PDSS2: variants seen among roughly 807,000 people sequenced by gnomAD.
PDSS2 encodes the protein decaprenyl diphosphate synthase subunit 2.
PDSS2 carries 31 observed loss-of-function variants against 44.5 expected under a neutral mutation model. That is an observed-to-expected ratio of 0.70 (90% CI 0.52 to 0.94). The LOEUF is 0.94. PDSS2 is among the 40% of genes least tolerant of loss of function. The pLI, the probability that PDSS2 is intolerant of heterozygous loss-of-function variation, is 0.00. For missense variants in PDSS2, 452 were observed against 482.2 expected (o/e 0.94, Z 0.59); for synonymous variants, 157 against 180.3 (o/e 0.87, Z 1.03).
At chr6:107,426,924 T>C (rs1213759934) in intron 1 of PDSS2, among the ~76,000 whole-genome samples, 2 of 152,138 alleles carry the variant, frequency 1.3e-5, no homozygotes, top group South Asian at 2.1e-4. Flanking sequence ...TGACTTAAGA[T>C]GAGTTACTGG....
intron 1 of PDSS2, among the ~76,000 whole-genome samples, chr6:107,357,101 G>A (rs1004234123): frequency 6.6e-6 from 1 of 152,102 alleles, no homozygotes; most frequent in African/African-American, 2.4e-5. Flanking sequence ...GACAGAAAAC[G>A]AGGAAACAAC....
At position 107,157,265 on chromosome 6, in the gene PDSS2, A is replaced by C. The variant is rs560853964; in HGVS notation, c.1042-2488T>G. Reference sequence around the variant, plus strand: ...AGTGGTGTGATCTTGGCTCACTGCAACTTCCAGTTCCCCGGCTCAAGTGAT... The same window carrying C: ...AGTGGTGTGATCTTGGCTCACTGCACCTTCCAGTTCCCCGGCTCAAGTGAT... On this transcript the variant is annotated intron_variant, in intron 7 of 7. Transcript: ENST00000369037. Among the ~76,000 whole-genome samples, 4 of 151,770 alleles carry C rather than the reference A, an allele frequency of 2.6e-5. No homozygotes were observed. In the East Asian group the frequency reaches 7.8e-4, roughly 30 times the overall value.
At chr6:107,301,115 G>C (rs912510430) in intron 2 of PDSS2, among the ~76,000 whole-genome samples, 2 of 152,190 alleles carry the variant, frequency 1.3e-5, no homozygotes, top group Non-Finnish European at 2.9e-5. Context: ...GATGAAATTT[G>C]AAAGAATGTA....
At chr6:107,220,743 C>T (rs1298329552) in intron 4 of PDSS2, among the ~76,000 whole-genome samples, 2 of 152,102 alleles carry the variant, frequency 1.3e-5, no homozygotes, top group Non-Finnish European at 2.9e-5. Flanking sequence ...TTATAGTCCC[C>T]TGAAATCTAC....
chr6:107,321,067 C>A (rs1777366568), intron 2 of PDSS2, among the ~76,000 whole-genome samples: 1 of 152,104 alleles, frequency 6.6e-6, no homozygotes, highest in South Asian at 2.1e-4. Flanking sequence ...AATAAATGCA[C>A]TAATATATAT....
At chr6:107,217,053 C>T (rs1021973013) in intron 4 of PDSS2, among the ~76,000 whole-genome samples, 1 of 152,088 alleles carries the variant, frequency 6.6e-6, no homozygotes, top group African/African-American at 2.4e-5. Flanking sequence ...GTACTATTTA[C>T]CAGGATAAAC....
chr6:107,454,776 A>G (rs1046843425), intron 1 of PDSS2, among the ~76,000 whole-genome samples: 1 of 151,996 alleles, frequency 6.6e-6, no homozygotes, highest in Admixed American at 6.6e-5. Flanking sequence ...ACAGAGCAAG[A>G]CTCTGCCTCA....
intron 2 of PDSS2, among the ~76,000 whole-genome samples, chr6:107,280,829 C>G (rs1775938971): frequency 6.6e-6 from 1 of 152,154 alleles, no homozygotes; most frequent in Non-Finnish European, 1.5e-5. Context: ...GACAACGGAG[C>G]CTGCTTTCTC....
chr6:107,381,690 T>C (rs913763919), intron 1 of PDSS2, among the ~76,000 whole-genome samples: 3 of 152,206 alleles, frequency 2.0e-5, no homozygotes, highest in African/African-American at 4.8e-5. Context: ...GCAGCTGAAC[T>C]TTTTGACTTC....
At chr6:107,181,637 C>T (rs1771986850) in intron 7 of PDSS2, among the ~76,000 whole-genome samples, 1 of 151,158 alleles carries the variant, frequency 6.6e-6, no homozygotes, top group Non-Finnish European at 1.5e-5. Flanking sequence ...CACCTGTAAT[C>T]CCAGCACTTT....
intron 4 of PDSS2, among the ~76,000 whole-genome samples, chr6:107,215,748 G>C (rs1239772830): frequency 6.6e-6 from 1 of 152,108 alleles, no homozygotes; most frequent in East Asian, 1.9e-4. Flanking sequence ...ATAATAAATT[G>C]TATTAACTAT....
intron 2 of PDSS2, among the ~76,000 whole-genome samples, chr6:107,290,987 A>G (rs1339042351): frequency 1.3e-5 from 2 of 150,556 alleles, no homozygotes; most frequent in African/African-American, 4.9e-5. Context: ...ACATGCTTCA[A>G]TAATATCAAG....
intron 2 of PDSS2, among the ~76,000 whole-genome samples, chr6:107,317,377 G>C (rs1267403224): frequency 6.6e-6 from 1 of 152,180 alleles, no homozygotes; most frequent in Admixed American, 6.5e-5. Context: ...GATAAACTGA[G>C]AGGGCACAAA....
chr6:107,207,975 C>CTTT (rs1271573467), intron 6 of PDSS2, among the ~76,000 whole-genome samples: 14 of 68,218 alleles, frequency 2.1e-4, no homozygotes, highest in African/African-American at 6.2e-4. Context: ...CTGTCTATGA[C>CTTT]TTGTTTTTTT....
chr6:107,301,550 T>C (rs907503696), intron 2 of PDSS2, among the ~76,000 whole-genome samples: 2 of 152,250 alleles, frequency 1.3e-5, no homozygotes, highest in Non-Finnish European at 2.9e-5. Flanking sequence ...GGGTATCTTA[T>C]CACAGACTGT....
chr6:107,283,349 A>C (rs915783426), intron 2 of PDSS2, among the ~76,000 whole-genome samples: 1 of 150,842 alleles, frequency 6.6e-6, no homozygotes, highest in Non-Finnish European at 1.5e-5. Flanking sequence ...AGAAAAAAAG[A>C]AAAAAACCCA....
At chr6:107,286,748 A>C (rs1000289768) in intron 2 of PDSS2, among the ~76,000 whole-genome samples, 1 of 151,938 alleles carries the variant, frequency 6.6e-6, no homozygotes, top group Non-Finnish European at 1.5e-5. Context: ...CCTCACTAAT[A>C]ATTTAGAAAA....
intron 1 of PDSS2, among the ~76,000 whole-genome samples, chr6:107,421,904 A>C (rs1475020792): frequency 6.6e-6 from 1 of 151,856 alleles, no homozygotes; most frequent in East Asian, 1.9e-4. Context: ...TACTGTACCA[A>C]TGCCAATTTC....
intron 1 of PDSS2, among the ~76,000 whole-genome samples, chr6:107,343,138 A>T (rs1220140040): frequency 1.3e-5 from 2 of 152,172 alleles, no homozygotes; most frequent in African/African-American, 2.4e-5. Flanking sequence ...ACTTTCCATA[A>T]ATCCAGTTCC....
Sources: allele counts gnomAD v4.1 joint callset (sites outside exome capture counted in the v4.1 genomes callset), GRCh38; gene constraint gnomAD v4.1.1; transcripts MANE v1.5; gene names NCBI Gene and HGNC (gene_info 2026-07-23, HGNC 2026-07-21).